LGR6: variants seen among roughly 807,000 people sequenced by gnomAD.
LGR6 encodes leucine-rich repeat-containing G protein-coupled receptor 6.
In LGR6, 45 loss-of-function variants were observed where a neutral mutation model predicts 69.4. The observed-to-expected ratio is 0.65, with a 90% CI of 0.51 to 0.83. The LOEUF (loss-of-function observed/expected upper bound fraction) is 0.83, where lower values mean the gene tolerates loss of function less well. LGR6 is among the 40% of genes least tolerant of loss of function. The pLI is 0.00. For synonymous variants in LGR6, 538 were observed against 555.0 expected (o/e 0.97, Z 0.43); for missense variants, 1,108 against 1,246.7 (o/e 0.89, Z 1.68).
At chr1:202,215,945 G>A (rs1403532770) in intron 1 of LGR6, among the ~76,000 whole-genome samples, 1 of 152,212 alleles carries the variant, frequency 6.6e-6, no homozygotes, top group Non-Finnish European at 1.5e-5. Flanking sequence ...ATTAGTCTGA[G>A]GAAGCCCTGT....
In LGR6 at chr1:202,306,954, C is replaced by A; in HGVS notation, c.1208+15C>A. 1 of 1,607,888 alleles carries A rather than the reference C, an allele frequency of 6.2e-7. No individual in the cohort carries two copies. On this transcript the variant is annotated intron_variant, in intron 13 of 17. Transcript: ENST00000367278. ...CTGCAAGCCCTGTGAGTACCCACAT[C>A]CAGGGGTGGGCCATGGAGGAGCCAC...
chr1:202,243,810 AGTCATTTTCTTGG>A (rs1662407466), intron 4 of LGR6, among the ~76,000 whole-genome samples: 1 of 152,246 alleles, frequency 6.6e-6, no homozygotes, highest in South Asian at 2.1e-4. Flanking sequence ...TTTCTCAAGG[AGTCATTTTCTTGG>A]GTCTCCTGAG....
At chr1:202,263,815 T>C (rs1218528242) in intron 4 of LGR6, among the ~76,000 whole-genome samples, 1 of 152,114 alleles carries the variant, frequency 6.6e-6, no homozygotes, top group Non-Finnish European at 1.5e-5. Flanking sequence ...GACAAAGAGG[T>C]AAGGCAAGAG....
rs1157857173 is a variant in LGR6, at chr1:202,280,780, G to A, written c.645-1G>A. On this transcript the variant is annotated splice_acceptor_variant, in intron 5 of 17. Coordinates refer to ENST00000367278, the MANE Select transcript of LGR6 (RefSeq NM_001017403.2). LOFTEE classifies it high-confidence loss of function. ...CTGATGCGTCTTTCCTTCCCGTGCA[G>A]GCATTTGCATAACAACCGCATCCAG... is the stretch of plus-strand genomic sequence containing the variant. The A allele has an allele frequency of 6.2e-7, 1 of 1,614,066 alleles. No homozygotes were observed. The highest frequency in any genetic ancestry group is 8.5e-7 in the Non-Finnish European group (1 of 1,180,008).
chr1:202,232,407 C>T (rs971406769), intron 3 of LGR6, among the ~76,000 whole-genome samples: 4 of 152,208 alleles, frequency 2.6e-5, no homozygotes, highest in South Asian at 2.1e-4. Flanking sequence ...ACTGGACCAA[C>T]GGCTGCATGT....
chr1:202,272,739 T>C (rs912064826), intron 4 of LGR6, among the ~76,000 whole-genome samples: 1 of 152,252 alleles, frequency 6.6e-6, no homozygotes, highest in African/African-American at 2.4e-5. Context: ...GTTACATGTG[T>C]GAGCGTGCAC....
chr1:202,287,087 G>A (rs954798670), intron 6 of LGR6, among the ~76,000 whole-genome samples: 9 of 152,198 alleles, frequency 5.9e-5, no homozygotes, highest in Non-Finnish European at 1.3e-4. Flanking sequence ...TAGATGTAAT[G>A]GAGAGGAAAC....
chr1:202,225,626 G>T, intron 2 of LGR6, 132 bp downstream of exon 2: 1 of 713,984 alleles, frequency 1.4e-6, no homozygotes, highest in Non-Finnish European at 2.3e-6. Flanking sequence ...CTTGACAGCA[G>T]GGTGTTCTTC....
At chr1:202,196,461 G>T (rs1007289800) in intron 1 of LGR6, among the ~76,000 whole-genome samples, 1 of 152,180 alleles carries the variant, frequency 6.6e-6, no homozygotes, top group Non-Finnish European at 1.5e-5. Flanking sequence ...CCCAGCCCTT[G>T]CTGAGGAGAG....
chr1:202,315,648 C>T (rs550725038), intron 17 of LGR6, among the ~76,000 whole-genome samples: 11 of 152,304 alleles, frequency 7.2e-5, no homozygotes, highest in Non-Finnish European at 1.5e-4. Context: ...TATTTCGTTC[C>T]ACCTCCGTTT....
At chr1:202,297,827 G>T (rs1000931875) in intron 7 of LGR6, among the ~76,000 whole-genome samples, 4 of 151,832 alleles carry the variant, frequency 2.6e-5, no homozygotes, top group Non-Finnish European at 5.9e-5. Flanking sequence ...GGGCCTTCCA[G>T]CCTGGGAAAA....
Position 202,203,682 on chromosome 1 carries a change from G to T in LGR6, c.212+9481G>T. 2 of 828,962 alleles carry T rather than the reference G, an allele frequency of 2.4e-6. 1 individual carries two copies. Among genetic ancestry groups the T allele is most frequent in the South Asian group, 3.1e-5 (2 of 63,968 alleles). The allele number at this position is 828,962 out of a possible 1,614,324, so 51.4% of individuals were successfully genotyped here. ...AACTGTGACCTGTTGTAGGAAGTGA[G>T]AAATACACCCAGGCAGGGCCAGATA... On this transcript the variant is annotated intron_variant, in intron 1 of 17. Transcript: ENST00000367278.
intron 6 of LGR6, among the ~76,000 whole-genome samples, chr1:202,288,909 A>G (rs916472166): frequency 3.3e-5 from 5 of 152,230 alleles, no homozygotes; most frequent in Non-Finnish European, 4.4e-5. Context: ...GGTCGCCTGC[A>G]TTAACGGGCC....
intron 1 of LGR6, among the ~76,000 whole-genome samples, chr1:202,200,419 C>T (rs576778605): frequency 1.3e-5 from 2 of 152,250 alleles, no homozygotes; most frequent in South Asian, 2.1e-4. Context: ...CCTGAGGGGC[C>T]GTGAGGATCC....
intron 6 of LGR6, among the ~76,000 whole-genome samples, chr1:202,288,982 G>C (rs1357648071): frequency 6.6e-6 from 1 of 152,216 alleles, no homozygotes; most frequent in East Asian, 1.9e-4. Context: ...AGGTCTGATT[G>C]CATCCAGAGG....
intron 17 of LGR6, among the ~76,000 whole-genome samples, chr1:202,315,655 G>A (rs1244026811): frequency 2.0e-5 from 3 of 152,144 alleles, no homozygotes; most frequent in Non-Finnish European, 4.4e-5. Flanking sequence ...TTCCACCTCC[G>A]TTTTCCAGTT....
intron 1 of LGR6, among the ~76,000 whole-genome samples, chr1:202,198,645 A>C (rs539392958): frequency 1.4e-3 from 216 of 149,134 alleles, no homozygotes; most frequent in Non-Finnish European, 1.1e-3. Flanking sequence ...AGTGAGTTCT[A>C]CTGGGAACCA....
intron 16 of LGR6, among the ~76,000 whole-genome samples, chr1:202,311,299 C>T: frequency 6.6e-6 from 1 of 152,216 alleles, no homozygotes; most frequent in Non-Finnish European, 1.5e-5. Flanking sequence ...CTACAACATT[C>T]ACCAGTTGGA....
In LGR6 at chr1:202,319,499, G is replaced by T. The variant is rs1654460892; in HGVS notation, c.*292G>T. On this transcript the variant is annotated 3_prime_UTR_variant, in exon 18 of 18. Transcript: ENST00000367278. The stretch of plus-strand genomic sequence containing the variant: ...GGACTTTTGTCTGCTTAAGGGAAAT[G>T]AGGGAAGTAAAGACAGTGAAGGGGT... 4 of 366,298 alleles carry T rather than the reference G, an allele frequency of 1.1e-5. No homozygotes were observed. The highest frequency in any genetic ancestry group is 6.2e-5 in the African/African-American group (3 of 48,478). 22.7% of individuals were successfully genotyped at this position (366,298 alleles called of 1,614,324 possible).
Sources: allele counts gnomAD v4.1 joint callset (sites outside exome capture counted in the v4.1 genomes callset), GRCh38; gene constraint gnomAD v4.1.1; transcripts MANE v1.5; gene names NCBI Gene and HGNC (gene_info 2026-07-23, HGNC 2026-07-21).